MYO7A: variants seen among roughly 807,000 people sequenced by gnomAD.
MYO7A encodes myosin VIIA.
Under a neutral mutation model 263.8 loss-of-function variants are expected in MYO7A, and 210 were observed. That is an observed-to-expected ratio of 0.80 (90% CI 0.71 to 0.89). MYO7A has a LOEUF of 0.89. MYO7A is among the 40% of genes least tolerant of loss of function. The pLI is 0.00. For synonymous variants in MYO7A, 1,239 were observed against 1,197.3 expected, an observed-to-expected ratio of 1.03 and a Z score of -0.72; for missense variants, 2,820 against 2,968.3, an observed-to-expected ratio of 0.95 and a Z score of 1.16.
At chr11:77,161,182 C>G in intron 12 of MYO7A, 67 bp downstream of exon 12, 1 of 1,591,970 alleles carries the variant, frequency 6.3e-7, no homozygotes, top group Non-Finnish European at 8.6e-7. Flanking sequence ...TATCACGTCT[C>G]TCCCTTGCGA....
At chr11:77,185,230 TTAAGA>T (rs1388011976) in intron 27 of MYO7A, among the ~76,000 whole-genome samples, 1 of 152,208 alleles carries the variant, frequency 6.6e-6, no homozygotes, top group Admixed American at 6.5e-5. Flanking sequence ...CGACAATTTA[TTAAGA>T]TAAGACAACA....
chr11:77,204,312 G>C lies in MYO7A; in HGVS notation c.5480+83G>C, dbSNP rs1957290358. ...TCTTACCCTCCTGAGGCAGCTGCTG[G>C]CTCTGCCTGGATGCAGTCCTTCCTC... On this transcript the variant is annotated intron_variant, in intron 39 of 48. Transcript: ENST00000409709. 4.7e-6 allele frequency: 7 copies of C among 1,501,342 alleles called. No homozygotes were observed. In the East Asian group the frequency reaches 1.5e-4, roughly 32 times the overall value. 93.0% of individuals were successfully genotyped at this position (1,501,342 alleles called of 1,614,324 possible). A position where few individuals can be genotyped will look rare whatever the true frequency, so the allele number is the denominator to read the frequency against.
intron 4 of MYO7A, among the ~76,000 whole-genome samples, chr11:77,152,062 AGGG>A (rs1555057452): frequency 6.6e-6 from 1 of 152,164 alleles, no homozygotes; most frequent in Non-Finnish European, 1.5e-5. Context: ...AGGAAGTAAA[AGGG>A]GTGATGGGGT....
rs375479271 is a variant in MYO7A, at chr11:77,142,696, C to T, written c.19-13C>T. ...CCCTGCTCACCTGGGCTGAGACTCTCTCTCGCCCATAGGGGGACCATGTGT... is the reference window on the plus strand; with the variant it reads ...CCCTGCTCACCTGGGCTGAGACTCTTTCTCGCCCATAGGGGGACCATGTGT... On this transcript the variant is annotated splice_polypyrimidine_tract_variant and intron_variant, in intron 2 of 48. Transcript: ENST00000409709. The T allele has an allele frequency of 6.5e-5, 104 of 1,597,812 alleles. No homozygotes were observed. The highest frequency in any genetic ancestry group is 8.1e-5 in the Non-Finnish European group (95 of 1,171,068).
At chr11:77,192,602 G>A (rs1389669863) in intron 31 of MYO7A, among the ~76,000 whole-genome samples, 1 of 152,122 alleles carries the variant, frequency 6.6e-6, no homozygotes, top group East Asian at 1.9e-4. Context: ...TCTAGTAAGC[G>A]CTGCATTAAA....
At chr11:77,174,647 C>A in intron 16 of MYO7A, 109 bp from the exon 17 acceptor site, 2 of 1,155,310 alleles carry the variant, frequency 1.7e-6, no homozygotes, top group Non-Finnish European at 2.4e-6. Flanking sequence ...CCTCCCATGC[C>A]GTGTGGACTT....
chr11:77,199,501 C>T, intron 34 of MYO7A, 34 bp from the exon 35 acceptor site: 1 of 1,457,542 alleles, frequency 6.9e-7, no homozygotes, highest in Non-Finnish European at 9.1e-7. Flanking sequence ...CTGGTTGGGG[C>T]ATGACTGACT....
At chr11:77,143,806 T>G (rs1263332562) in intron 3 of MYO7A, among the ~76,000 whole-genome samples, 1 of 151,872 alleles carries the variant, frequency 6.6e-6, no homozygotes, top group African/African-American at 2.4e-5. Flanking sequence ...AGAAAGAGGG[T>G]GCAGGGACTT....
Position 77,190,915 on chromosome 11 carries a change from G to T in MYO7A, c.3924+45G>T, listed in dbSNP as rs775075255. Reference sequence around the variant, plus strand: ...CCTCCTCCCGGAAGCACCTCCTCCCGGCCCCACTCCGGGCTGCCAGTGCTG... The same window carrying T: ...CCTCCTCCCGGAAGCACCTCCTCCCTGCCCCACTCCGGGCTGCCAGTGCTG... On this transcript the variant is annotated intron_variant, in intron 30 of 48. Transcript: ENST00000409709. The T allele has an allele frequency of 1.2e-5, 18 of 1,506,336 alleles. No homozygotes were observed. In the African/African-American group the frequency reaches 2.1e-4, roughly 17 times the overall value. The allele number at this position is 1,506,336 out of a possible 1,614,324, so 93.3% of individuals were successfully genotyped here.
chr11:77,212,835 C>A, intron 46 of MYO7A, 117 bp from the exon 47 acceptor site: 1 of 845,416 alleles, frequency 1.2e-6, no homozygotes. Flanking sequence ...CCGTCAGTAC[C>A]ACATAGGCAA....
At position 77,161,048 on chromosome 11, in the gene MYO7A, G is replaced by A; in HGVS notation, c.1276G>A (p.Val426Met). 8.7e-6 allele frequency: 14 copies of A among 1,613,946 alleles called. No homozygotes were observed. The highest frequency in any genetic ancestry group is 1.2e-5 in the Non-Finnish European group (14 of 1,179,872). ...AATTTACAAGCCTCCCTCCCAGGAT[G>A]TGAAGAACTCTCGCAGGTCCATCGG... ...AAIYKPPSQD[V>M]KNSRRSIGLL... Residue 426 changes from valine (V) to methionine (M), a missense_variant, in exon 12 of 49, where the codon GTG becomes ATG. Physicochemically the swap from Val to Met is conservative, Grantham distance 21. Transcript: ENST00000409709.
In MYO7A at chr11:77,169,044, G is replaced by A. The variant is rs555589387; in HGVS notation, c.1797+2882G>A. On this transcript the variant is annotated intron_variant, in intron 15 of 48. Coordinates refer to ENST00000409709, the MANE Select transcript of MYO7A (RefSeq NM_000260.4). Reference sequence around the variant, plus strand: ...CATCTTAGGAAAGAAAACATACTTCGTAACTGCTAGAAACACGATGGCTTT... The same window carrying A: ...CATCTTAGGAAAGAAAACATACTTCATAACTGCTAGAAACACGATGGCTTT... Among the ~76,000 whole-genome samples the A allele has an allele frequency of 3.9e-5, 6 of 152,342 alleles. No homozygotes were observed. In the South Asian group the frequency reaches 1.2e-3, roughly 32 times the overall value.
In MYO7A at chr11:77,140,744, G is replaced by A. The variant is rs547592661; in HGVS notation, c.19-1965G>A. Among the ~76,000 whole-genome samples, 39 of 152,316 alleles carry A rather than the reference G, an allele frequency of 2.6e-4. No individual in the cohort carries two copies. In the South Asian group the frequency reaches 3.3e-3, roughly 13 times the overall value. ...GTGAGGATTATATGGGGCAGTTTACGGGATGCAGCCTGTGGAGCCCAGGCC... is the reference window on the plus strand; with the variant it reads ...GTGAGGATTATATGGGGCAGTTTACAGGATGCAGCCTGTGGAGCCCAGGCC... On this transcript the variant is annotated intron_variant, in intron 2 of 48. Coordinates refer to ENST00000409709, the MANE Select transcript of MYO7A (RefSeq NM_000260.4).
At chr11:77,148,820 A>G (rs1555055591) in intron 4 of MYO7A, among the ~76,000 whole-genome samples, 1 of 152,244 alleles carries the variant, frequency 6.6e-6, no homozygotes, top group East Asian at 1.9e-4. Context: ...AATAATAAAA[A>G]TGGTGAGAAG....
intron 3 of MYO7A, among the ~76,000 whole-genome samples, chr11:77,143,582 C>T (rs1443098134): frequency 6.6e-6 from 1 of 152,188 alleles, no homozygotes; most frequent in Non-Finnish European, 1.5e-5. Context: ...AGGGGAAGCC[C>T]TGGGGCCTCT....
intron 10 of MYO7A, 68 bp from the exon 11 acceptor site, chr11:77,160,095 G>A (rs1378552217): frequency 5.3e-6 from 8 of 1,519,100 alleles, no homozygotes; most frequent in Middle Eastern, 2.3e-4. Flanking sequence ...GGAAAGTGGA[G>A]GGATCCGGGT....
intron 15 of MYO7A, among the ~76,000 whole-genome samples, chr11:77,168,035 C>T (rs782615355): frequency 3.4e-4 from 51 of 152,114 alleles, no homozygotes; most frequent in Non-Finnish European, 6.6e-4. Context: ...CTGAGACGGG[C>T]GTAGCTCTGG....
chr11:77,166,077 A>G lies in MYO7A; in HGVS notation c.1712A>G (p.Asp571Gly). Residue 571 changes from aspartate to glycine, a missense_variant, in exon 15 of 49, where the codon GAC (aspartate) becomes GGC (glycine). Transcript: ENST00000409709. ...ETQGFLEKNR[D>G]TLHGDIIQLV... ...GCAGGCTTCCTGGAGAAGAACCGAG[A>G]CACCCTGCATGGGGACATTATCCAG... 1.2e-6 allele frequency: 2 copies of G among 1,613,726 alleles called. No homozygotes were observed. Among genetic ancestry groups the G allele is most frequent in the Non-Finnish European group, 8.5e-7 (1 of 1,179,804 alleles).
chr11:77,211,371 C>T lies in MYO7A; in HGVS notation c.6237+34C>T, dbSNP rs766889027. On this transcript the variant is annotated intron_variant, in intron 45 of 48. Coordinates refer to ENST00000409709, the MANE Select transcript of MYO7A (RefSeq NM_000260.4). ...GGGGTGGGCATCGGGAATGGTGGGG[C>T]CCTGAATGGGCCTCGGGGCACCCCA... The T allele has an allele frequency of 1.4e-5, 21 of 1,551,562 alleles. No individual in the cohort carries two copies. In the African/African-American group the frequency reaches 2.0e-4, roughly 15 times the overall value.
Sources: gnomAD v4.1 joint callset for allele counts (sites outside exome capture counted in the v4.1 genomes callset) on GRCh38, gnomAD v4.1.1 for gene constraint, MANE v1.5 for transcripts, NCBI Gene and HGNC (gene_info 2026-07-23, HGNC 2026-07-21) for gene names.